ADCY5: variants seen among roughly 807,000 people sequenced by gnomAD.
The protein encoded by ADCY5 is adenylate cyclase type 5.
Under a neutral mutation model 119.7 loss-of-function variants are expected in ADCY5, and 30 were observed. The ratio of observed to expected loss-of-function variants is 0.25; its 90% CI spans 0.19 to 0.34. The LOEUF (loss-of-function observed/expected upper bound fraction) is 0.34. Ranked by LOEUF, ADCY5 falls within the 10% of genes least tolerant of loss-of-function variation. The probability of loss-of-function intolerance (pLI) is 1.00; values close to 1 mark genes in which losing one functional copy is unlikely to be tolerated. For missense variants in ADCY5, 1,324 were observed against 1,775.2 expected (o/e 0.75, Z 4.57); for synonymous variants, 753 against 762.2 (o/e 0.99, Z 0.20).
intron 17 of ADCY5, among the ~76,000 whole-genome samples, chr3:123,294,525 C>T (rs1316640207): frequency 6.6e-6 from 1 of 152,176 alleles, no homozygotes; most frequent in Admixed American, 6.5e-5. Flanking sequence ...AAGGGGTGCC[C>T]GGCTCCATTT....
chr3:123,314,712 T>C (rs1455786528), intron 11 of ADCY5, among the ~76,000 whole-genome samples: 1 of 152,180 alleles, frequency 6.6e-6, no homozygotes, highest in Admixed American at 6.5e-5. Flanking sequence ...ACCACCTGGT[T>C]ACTCCCTCCA....
At chr3:123,434,774 A>G (rs1198116673) in intron 1 of ADCY5, among the ~76,000 whole-genome samples, 2 of 152,030 alleles carry the variant, frequency 1.3e-5, no homozygotes, top group East Asian at 3.9e-4. Flanking sequence ...CCAGGATAAG[A>G]AATCTCTTGT....
intron 14 of ADCY5, among the ~76,000 whole-genome samples, chr3:123,302,260 G>A (rs1226371836): frequency 6.6e-6 from 1 of 152,238 alleles, no homozygotes; most frequent in East Asian, 1.9e-4. Context: ...TACCATGAAC[G>A]AAGCAACTTG....
chr3:123,439,654 C>CTAT, intron 1 of ADCY5, among the ~76,000 whole-genome samples: 2 of 151,022 alleles, frequency 1.3e-5, no homozygotes, highest in Non-Finnish European at 3.0e-5. Context: ...TGGGCTGTAT[C>CTAT]CCCCTTGGAT....
At chr3:123,398,578 G>A (rs1025758525) in intron 1 of ADCY5, among the ~76,000 whole-genome samples, 8 of 152,056 alleles carry the variant, frequency 5.3e-5, no homozygotes, top group Non-Finnish European at 7.4e-5. Flanking sequence ...CAGCTCAAGC[G>A]CCTAAAATAG....
At chr3:123,383,666 G>A (rs993976607) in intron 1 of ADCY5, among the ~76,000 whole-genome samples, 3 of 151,772 alleles carry the variant, frequency 2.0e-5, no homozygotes, top group Non-Finnish European at 2.9e-5. Context: ...CAACAGCGAC[G>A]GCTCCCTGTG....
intron 1 of ADCY5, among the ~76,000 whole-genome samples, chr3:123,363,095 A>T (rs1009788249): frequency 2.0e-5 from 3 of 150,336 alleles, no homozygotes; most frequent in African/African-American, 7.4e-5. Flanking sequence ...GTGAGCCGAG[A>T]TCACATCATT....
intron 1 of ADCY5, among the ~76,000 whole-genome samples, chr3:123,372,510 G>A (rs1943675752): frequency 6.6e-6 from 1 of 152,116 alleles, no homozygotes; most frequent in South Asian, 2.1e-4. Context: ...AAAAAGCCCC[G>A]AGTCCTCAGA....
chr3:123,430,633 C>A (rs1298768330), intron 1 of ADCY5, among the ~76,000 whole-genome samples: 1 of 152,184 alleles, frequency 6.6e-6, no homozygotes. Context: ...AAGTGTAAAG[C>A]AAAATCCAAA....
chr3:123,448,189 C>T lies in ADCY5; in HGVS notation c.357G>A (p.Arg119=). The T allele has an allele frequency of 8.2e-7, 1 of 1,220,606 alleles. No homozygotes were observed. The allele number at this position is 1,220,606 out of a possible 1,614,324, so 75.6% of individuals were successfully genotyped here. ...TGCTGCCCCCGCTGGCCGCGCCCCG[C>T]CGCTGCCGGCGGCTGCCGCGACCGC... The part of the protein sequence containing the change: ...DDCGRGSRRQ[R]RGAASGGSTR... The change falls in exon 1 of 21, where the codon CGG becomes CGA. Residue 119 remains arginine, a synonymous_variant. Transcript: ENST00000462833.
chr3:123,404,359 T>G (rs1944849172), intron 1 of ADCY5: 1 of 152,258 alleles, frequency 6.6e-6, no homozygotes, highest in Admixed American at 6.5e-5. Flanking sequence ...ACACAGTGGG[T>G]GAGCAAGGTA....
intron 8 of ADCY5, among the ~76,000 whole-genome samples, chr3:123,323,607 G>A (rs1415436676): frequency 1.3e-5 from 2 of 151,046 alleles, no homozygotes; most frequent in African/African-American, 4.9e-5. Flanking sequence ...CGGCTCTCCT[G>A]CCCCTTTGCT....
In ADCY5 at chr3:123,286,870, G is replaced by A; in HGVS notation, c.3533-61C>T. ...CTCTGGCTTGACCTTGCCACCATCT[G>A]TCTCCCCACATGCTGCAGGTCCTTC... On this transcript the variant is annotated intron_variant, in intron 19 of 20. Transcript: ENST00000462833. This position sits in a 1 kb window ranked among gnomAD's most constrained non-coding sequence, Gnocchi z 4.2. The A allele has an allele frequency of 5.2e-6, 8 of 1,524,404 alleles. No individual in the cohort carries two copies. The Admixed American group carries it at 1.7e-4, about 32-fold the overall frequency. The allele number at this position is 1,524,404 out of a possible 1,614,324, so 94.4% of individuals were successfully genotyped here. A position where few individuals can be genotyped will look rare whatever the true frequency, so the allele number is the denominator to read the frequency against.
intron 1 of ADCY5, among the ~76,000 whole-genome samples, chr3:123,387,481 A>T (rs1264754788): frequency 3.3e-5 from 5 of 152,214 alleles, no homozygotes; most frequent in Non-Finnish European, 7.3e-5. Flanking sequence ...TCAGCACAGC[A>T]GGAGGCTGGG....
intron 1 of ADCY5, among the ~76,000 whole-genome samples, chr3:123,360,772 A>G (rs1319690575): frequency 1.3e-5 from 2 of 152,264 alleles, no homozygotes; most frequent in Non-Finnish European, 2.9e-5. Flanking sequence ...AAAATAGACT[A>G]GAATGTGAAG....
intron 8 of ADCY5, among the ~76,000 whole-genome samples, chr3:123,322,902 C>T (rs1167134356): frequency 6.6e-6 from 1 of 152,218 alleles, no homozygotes; most frequent in Non-Finnish European, 1.5e-5. Flanking sequence ...GCGCTCCCAG[C>T]CCCCCATCCC....
intron 1 of ADCY5, among the ~76,000 whole-genome samples, chr3:123,372,002 T>C (rs1943660502): frequency 1.3e-5 from 2 of 152,168 alleles, no homozygotes; most frequent in Admixed American, 6.5e-5. Flanking sequence ...TGCCCCACCT[T>C]CTGCTGGGCC....
At chr3:123,307,992 C>A (rs1940290016) in intron 12 of ADCY5, among the ~76,000 whole-genome samples, 1 of 149,048 alleles carries the variant, frequency 6.7e-6, no homozygotes, top group African/African-American at 2.5e-5. Context: ...TTGCTACAAG[C>A]CAACTTCCTC....
rs1942946353 is a variant in ADCY5, at chr3:123,353,905, GGTC to G, written c.1135-1327_1135-1325del. On this transcript the variant is annotated intron_variant, in intron 1 of 20. Coordinates refer to ENST00000462833, the MANE Select transcript of ADCY5 (RefSeq NM_183357.3). ...AGACATCCCATGGTGTGTGTGCCCC[GGTC>G]CATGAAGACTTTCTCTTTCCTATTT... is the stretch of plus-strand genomic sequence containing the variant. 4.6e-5 allele frequency among the ~76,000 whole-genome samples: 7 copies of G among 152,200 alleles called. No homozygotes were observed. In the South Asian group the frequency reaches 1.5e-3, roughly 32 times the overall value.
Sources: allele counts gnomAD v4.1 joint callset (sites outside exome capture counted in the v4.1 genomes callset), GRCh38; gene constraint gnomAD v4.1.1; non-coding constraint Gnocchi (gnomAD v3.1); transcripts MANE v1.5; gene names NCBI Gene and HGNC (gene_info 2026-07-23, HGNC 2026-07-21).